The following ARRDC3 variants were observed in gnomAD, a reference collection of about 807,000 sequenced individuals.
ARRDC3 encodes arrestin domain-containing protein 3.
In ARRDC3, 10 loss-of-function variants were observed where a neutral mutation model predicts 47.2. That is an observed-to-expected ratio of 0.21 (90% CI 0.13 to 0.36). ARRDC3 has a LOEUF of 0.36. ARRDC3 is among the 10% of genes least tolerant of loss of function. The pLI is 1.00. For synonymous variants in ARRDC3, 156 were observed against 178.3 expected (o/e 0.87, Z 1.00); for missense variants, 381 against 503.6 (o/e 0.76, Z 2.33).
In ARRDC3 at chr5:91,370,483, TAAACAAAC is replaced by T. The variant is rs545475237; in HGVS notation, c.*909_*916del. 6.6e-6 allele frequency: 1 copy of T among 152,166 alleles called. No individual in the cohort carries two copies. Among genetic ancestry groups the T allele is most frequent in the Non-Finnish European group, 1.5e-5 (1 of 67,938 alleles). 9.4% of individuals were successfully genotyped at this position (152,166 alleles called of 1,614,324 possible). On this transcript the variant is annotated 3_prime_UTR_variant, in exon 8 of 8. Transcript: ENST00000265138. Reference sequence around the variant, plus strand: ...TTCCCTCTCCAAAAAGCCAACCAAATAAACAAACAAACAAACGAAAAAAACAGTGCAAC... The same window carrying T: ...TTCCCTCTCCAAAAAGCCAACCAAATAAACAAACGAAAAAAACAGTGCAAC...
At chr5:91,371,829 A>T (rs1799184535) in intron 7 of ARRDC3, among the ~76,000 whole-genome samples, 1 of 152,194 alleles carries the variant, frequency 6.6e-6, no homozygotes, top group South Asian at 2.1e-4. Context: ...CATAGCAATC[A>T]TCTTCTTTTG....
intron 5 of ARRDC3, 63 bp downstream of exon 5, chr5:91,374,859 C>A: frequency 6.5e-7 from 1 of 1,533,298 alleles, no homozygotes. Context: ...GCATTCCAGC[C>A]TGGGTGACAG....
chr5:91,371,194 T>G lies in ARRDC3; in HGVS notation c.*206A>C. 1.8e-6 allele frequency: 1 copy of G among 556,844 alleles called. No individual in the cohort carries two copies. The highest frequency in any genetic ancestry group is 3.2e-6 in the Non-Finnish European group (1 of 313,528). 34.5% of individuals were successfully genotyped at this position (556,844 alleles called of 1,614,324 possible). On this transcript the variant is annotated 3_prime_UTR_variant, in exon 8 of 8. Coordinates refer to ENST00000265138, the MANE Select transcript of ARRDC3 (RefSeq NM_020801.4). ...TGTGCCAGTTTTAAAAGAGAAAAGC[T>G]TAGATCTTCAAGCATGTTGGAGCAG... is the stretch of plus-strand genomic sequence containing the variant.
chr5:91,373,664 C>T lies in ARRDC3; in HGVS notation c.1188+20G>A. The T allele has an allele frequency of 6.3e-7, 1 of 1,589,178 alleles. No homozygotes were observed. The highest frequency in any genetic ancestry group is 8.6e-7 in the Non-Finnish European group (1 of 1,162,228). On this transcript the variant is annotated intron_variant, in intron 7 of 7. Transcript: ENST00000265138. ...CCCAAGATAGCCAGTTCATTTCATA[C>T]TTAAGGAGTAGGTACTTACCTCTGA...
chr5:91,374,426 T>C (rs1582370384), intron 5 of ARRDC3, 150 bp from the exon 6 acceptor site: 2 of 663,982 alleles, frequency 3.0e-6, no homozygotes, highest in African/African-American at 1.8e-5. Context: ...TGTATAATTC[T>C]GTATAGTACA....
intron 3 of ARRDC3, 72 bp from the exon 4 acceptor site, chr5:91,375,685 T>C: frequency 9.9e-7 from 1 of 1,007,684 alleles, no homozygotes; most frequent in Non-Finnish European, 1.4e-6. Flanking sequence ...TATTTTAAAA[T>C]ATAACCCTAA....
intron 1 of ARRDC3, among the ~76,000 whole-genome samples, chr5:91,381,796 A>C (rs1310837727): frequency 6.6e-6 from 1 of 152,196 alleles, no homozygotes; most frequent in Non-Finnish European, 1.5e-5. Context: ...GCTAGGAATT[A>C]AGTCATCGCC....
Position 91,374,181 on chromosome 5 carries a change from T to C in ARRDC3, c.966A>G (p.Ser322=), listed in dbSNP as rs1582370003. ...TCATGCTACACTGACTGCTTACACT[T>C]GAGGTTCTGCTACCAAATGGATGTA... The part of the protein sequence containing the change: ...IPLHPFGSRT[S]SVSSQCSMNM... The change falls in exon 6 of 8, where the codon TCA becomes TCG. Residue 322 remains serine, a synonymous_variant. Transcript: ENST00000265138. 3 of 1,613,930 alleles carry C rather than the reference T, an allele frequency of 1.9e-6. No homozygotes were observed. Among genetic ancestry groups the C allele is most frequent in the Non-Finnish European group, 2.5e-6 (3 of 1,179,848 alleles).
chr5:91,380,649 C>G (rs1799431728), intron 1 of ARRDC3: 1 of 152,380 alleles, frequency 6.6e-6, no homozygotes, highest in Middle Eastern at 3.4e-3. Context: ...AAGGGGAAAA[C>G]AAGCGTTCAC....
intron 1 of ARRDC3, 120 bp downstream of exon 1, chr5:91,382,693 T>C: frequency 8.9e-7 from 1 of 1,120,392 alleles, no homozygotes; most frequent in Non-Finnish European, 1.3e-6. Flanking sequence ...CTTCCAACTT[T>C]GCTAACCTTT....
chr5:91,374,380 T>G, intron 5 of ARRDC3, 104 bp from the exon 6 acceptor site: 3 of 1,000,064 alleles, frequency 3.0e-6, no homozygotes, highest in Non-Finnish European at 4.4e-6. Context: ...ATTTACTTCA[T>G]TTTTAAACTT....
At position 91,378,740 on chromosome 5, in the gene ARRDC3, G is replaced by T. The variant is rs1799365834; in HGVS notation, c.316C>A (p.His106Asn). Residue 106 changes from histidine (H) to asparagine (N), a missense_variant, in exon 2 of 8, where the codon CAT becomes AAT. Physicochemically the swap from His to Asn is moderately conservative, Grantham distance 68 (BLOSUM62 1). Transcript: ENST00000265138. ...AATGCATATTCATGCCTTCCTGAAT[G>T]AATAGTGTGGAAGCCTTCTTCGGAA... Reference protein sequence around the residue: ...DNSEEGFHTIHSGRHEYAFSF... With the variant: ...DNSEEGFHTINSGRHEYAFSF... 1 of 1,599,922 alleles carries T rather than the reference G, an allele frequency of 6.3e-7. No individual in the cohort carries two copies. The highest frequency in any genetic ancestry group is 8.5e-7 in the Non-Finnish European group (1 of 1,174,704).
chr5:91,373,596 G>C, intron 7 of ARRDC3, 88 bp downstream of exon 7: 1 of 1,245,884 alleles, frequency 8.0e-7, no homozygotes. Flanking sequence ...TGATAATCAA[G>C]ATCTAATAAC....
chr5:91,378,431 G>A (rs1407905453), intron 2 of ARRDC3, among the ~76,000 whole-genome samples: 2 of 152,006 alleles, frequency 1.3e-5, no homozygotes, highest in Admixed American at 6.6e-5. Flanking sequence ...ATTCACTCAT[G>A]TTAAAGGAAA....
chr5:91,377,596 A>C (rs1293928765), intron 2 of ARRDC3, among the ~76,000 whole-genome samples: 3 of 149,460 alleles, frequency 2.0e-5, no homozygotes, highest in African/African-American at 4.9e-5. Flanking sequence ...TGCATTTTAG[A>C]CTCCCACATT....
chr5:91,380,364 C>G (rs1037758236), intron 1 of ARRDC3: 1 of 152,612 alleles, frequency 6.6e-6, no homozygotes, highest in African/African-American at 2.4e-5. Context: ...ACGCCCCAGC[C>G]GGCGACCGGT....
At chr5:91,377,173 T>G (rs1336314274) in intron 2 of ARRDC3, among the ~76,000 whole-genome samples, 2 of 152,176 alleles carry the variant, frequency 1.3e-5, no homozygotes, top group Non-Finnish European at 2.9e-5. Context: ...AAATTCCCTA[T>G]AGTACTCCAC....
At position 91,368,898 on chromosome 5, in the gene ARRDC3, T is replaced by C. The variant is rs1483559495; in HGVS notation, c.*2502A>G. ...ACAAACAGCCATAGAATATAATCTATAAAGCAAACATTTAATATTGCACTT... is the reference window on the plus strand; with the variant it reads ...ACAAACAGCCATAGAATATAATCTACAAAGCAAACATTTAATATTGCACTT... On this transcript the variant is annotated 3_prime_UTR_variant, in exon 8 of 8. Coordinates refer to ENST00000265138, the MANE Select transcript of ARRDC3 (RefSeq NM_020801.4). 1 of 152,616 alleles carries C rather than the reference T, an allele frequency of 6.6e-6. No individual in the cohort carries two copies. Among genetic ancestry groups the C allele is most frequent in the East Asian group, 1.9e-4 (1 of 5,198 alleles). 9.5% of individuals were successfully genotyped at this position (152,616 alleles called of 1,614,324 possible).
intron 6 of ARRDC3, 61 bp from the exon 7 acceptor site, chr5:91,373,899 G>C: frequency 1.9e-6 from 3 of 1,595,214 alleles, no homozygotes; most frequent in Non-Finnish European, 2.6e-6. Flanking sequence ...AAAATACACA[G>C]AATAGTAGGT....
Sources: gnomAD v4.1 joint callset for allele counts (sites outside exome capture counted in the v4.1 genomes callset) on GRCh38, gnomAD v4.1.1 for gene constraint, MANE v1.5 for transcripts, NCBI Gene and HGNC (gene_info 2026-07-23, HGNC 2026-07-21) for gene names.